MAP4K3: variants seen among roughly 807,000 people sequenced by gnomAD.
MAP4K3 encodes the protein mitogen-activated protein kinase kinase kinase kinase 3.
MAP4K3 carries 94 observed loss-of-function variants against 143.5 expected under a neutral mutation model. That is an observed-to-expected ratio of 0.65 (90% CI 0.55 to 0.78). The LOEUF (loss-of-function observed/expected upper bound fraction) is 0.78, where lower values mean the gene tolerates loss of function less well. MAP4K3 is among the 30% of genes least tolerant of loss of function. The pLI is 0.00. For missense variants in MAP4K3, 1,077 were observed against 1,068.1 expected (o/e 1.01, Z -0.12); for synonymous variants, 416 against 347.2 (o/e 1.20, Z -2.20).
chr2:39,272,107 T>C (rs553504577), intron 26 of MAP4K3, 176 bp downstream of exon 26: 4 of 459,472 alleles, frequency 8.7e-6, no homozygotes, highest in Non-Finnish European at 1.5e-5. Flanking sequence ...AAGTACAAAG[T>C]AGAAAAATTT....
intron 2 of MAP4K3, among the ~76,000 whole-genome samples, chr2:39,366,302 G>A (rs1462695973): frequency 6.6e-6 from 1 of 152,082 alleles, no homozygotes; most frequent in Non-Finnish European, 1.5e-5. Context: ...TGGCTTCCAG[G>A]TTAGAGGGAG....
At chr2:39,285,206 T>C (rs991316027) in intron 21 of MAP4K3, among the ~76,000 whole-genome samples, 1 of 152,210 alleles carries the variant, frequency 6.6e-6, no homozygotes, top group Non-Finnish European at 1.5e-5. Flanking sequence ...AATTACAGCA[T>C]AAACTGTAAG....
chr2:39,263,331 G>C (rs1252822947), intron 28 of MAP4K3, among the ~76,000 whole-genome samples: 7 of 146,910 alleles, frequency 4.8e-5, no homozygotes, highest in Non-Finnish European at 7.5e-5. Context: ...GGAGTGCAGT[G>C]GCGCAATCTC....
chr2:39,325,768 T>A lies in MAP4K3; in HGVS notation c.769A>T (p.Asn257Tyr). 1 of 1,610,638 alleles carries A rather than the reference T, an allele frequency of 6.2e-7. No homozygotes were observed. Among genetic ancestry groups the A allele is most frequent in the South Asian group, 1.1e-5 (1 of 89,930 alleles). Reference sequence around the variant, plus strand: ...TCAGCAGTAGGTCTTTTTTTCGGATTTTTGGTAAGTGCCATTTTCACAAAG... The same window carrying A: ...TCAGCAGTAGGTCTTTTTTTCGGATATTTGGTAAGTGCCATTTTCACAAAG... ...HHFVKMALTK[N>Y]PKKRPTAEKL... Residue 257 changes from asparagine (N) to tyrosine (Y), a missense_variant, in exon 11 of 34, where the codon AAT becomes TAT. By Grantham distance (143) the Asn-to-Tyr change is moderately radical (BLOSUM62 -2). Around this residue, in one of 2 missense-constraint regions of MAP4K3, gnomAD observed 864 missense variants for 801.2 expected, o/e 1.08. Transcript: ENST00000263881.
intron 2 of MAP4K3, among the ~76,000 whole-genome samples, chr2:39,368,523 G>C (rs972227728): frequency 3.3e-5 from 5 of 151,892 alleles, no homozygotes; most frequent in African/African-American, 1.2e-4. Flanking sequence ...TAAAAAATTA[G>C]CTGGGTGTGG....
chr2:39,323,087 T>A (rs927595746), intron 12 of MAP4K3, among the ~76,000 whole-genome samples: 1 of 152,216 alleles, frequency 6.6e-6, no homozygotes, highest in African/African-American at 2.4e-5. Flanking sequence ...ACAAATCATT[T>A]GCAAATAAAA....
intron 8 of MAP4K3, among the ~76,000 whole-genome samples, chr2:39,326,916 C>CCCCAGCCATGCAATA (rs1683509874): frequency 3.3e-5 from 5 of 152,096 alleles, no homozygotes. Context: ...TCTGAGGCCT[C>CCCCAGCCATGCAATA]CCCAGCCATG....
At chr2:39,341,515 G>C (rs1179147097) in intron 4 of MAP4K3, among the ~76,000 whole-genome samples, 9 of 151,780 alleles carry the variant, frequency 5.9e-5, no homozygotes, top group Non-Finnish European at 1.3e-4. Flanking sequence ...AAATTAGCCG[G>C]TGTGGTGGCA....
rs189872000 is a variant in MAP4K3, at chr2:39,398,532, G to A, written c.97-20409C>T. 6.6e-5 allele frequency among the ~76,000 whole-genome samples: 10 copies of A among 151,714 alleles called. No homozygotes were observed. The East Asian group carries it at 1.9e-3, about 29-fold the overall frequency. On this transcript the variant is annotated intron_variant, in intron 1 of 33. Coordinates refer to ENST00000263881, the MANE Select transcript of MAP4K3 (RefSeq NM_003618.4). Reference sequence around the variant, plus strand: ...GATGGGTGGGAAACAAGACTTCTCAGGGGATACTTTTTAAAATAGCACTTT... The same window carrying A: ...GATGGGTGGGAAACAAGACTTCTCAAGGGATACTTTTTAAAATAGCACTTT...
chr2:39,258,953 T>C (rs899705771), intron 29 of MAP4K3, among the ~76,000 whole-genome samples: 1 of 152,148 alleles, frequency 6.6e-6, no homozygotes, highest in Non-Finnish European at 1.5e-5. Context: ...GTTCTCAAAC[T>C]ATGGTTGCTG....
intron 2 of MAP4K3, among the ~76,000 whole-genome samples, chr2:39,368,567 G>C (rs1030536542): frequency 4.6e-5 from 7 of 152,040 alleles, no homozygotes; most frequent in Non-Finnish European, 7.4e-5. Flanking sequence ...CCAGTAGTGA[G>C]GCTGAGGCAG....
intron 2 of MAP4K3, among the ~76,000 whole-genome samples, chr2:39,358,928 T>A (rs888910867): frequency 3.9e-5 from 6 of 152,152 alleles, no homozygotes; most frequent in Non-Finnish European, 5.9e-5. Context: ...ACAACCAAAC[T>A]ACATCATTCC....
chr2:39,315,437 T>C (rs369662033), intron 12 of MAP4K3, 49 bp from the exon 13 acceptor site: 37 of 1,295,470 alleles, frequency 2.9e-5, no homozygotes, highest in African/African-American at 4.4e-5. Context: ...AATCAAGTCA[T>C]AGTTTGGTCC....
At chr2:39,349,817 TATTTACC>T (rs1665399636) in intron 3 of MAP4K3, among the ~76,000 whole-genome samples, 1 of 152,220 alleles carries the variant, frequency 6.6e-6, no homozygotes, top group Admixed American at 6.5e-5. Context: ...TTTAATTTAC[TATTTACC>T]CAGATTATTT....
chr2:39,259,405 A>T (rs7608958), intron 29 of MAP4K3, among the ~76,000 whole-genome samples: 2 of 152,094 alleles, frequency 1.3e-5, no homozygotes, highest in South Asian at 2.1e-4. Context: ...TACATACTAC[A>T]TACTCAATGA....
At position 39,356,295 on chromosome 2, in the gene MAP4K3, C is replaced by CT; in HGVS notation, c.198dup (p.Asp67ArgfsTer3). The stretch of plus-strand genomic sequence containing the variant: ...GCAACAATATTTGGGTGTTTACAGT[C>CT]TTTCATCATAATAATTTCTTGCTGC... On this transcript the variant is annotated frameshift_variant, in exon 3 of 34. Coordinates refer to ENST00000263881, the MANE Select transcript of MAP4K3 (RefSeq NM_003618.4). LOFTEE classifies it high-confidence loss of function. 1 of 1,605,428 alleles carries CT rather than the reference C, an allele frequency of 6.2e-7. No individual in the cohort carries two copies. The highest frequency in any genetic ancestry group is 8.5e-7 in the Non-Finnish European group (1 of 1,175,814).
chr2:39,280,395 A>C, intron 22 of MAP4K3, 39 bp from the exon 23 acceptor site: 1 of 1,196,710 alleles, frequency 8.4e-7, no homozygotes, highest in Non-Finnish European at 1.2e-6. Context: ...AACAGTGACA[A>C]GTAACAGTCT....
intron 14 of MAP4K3, among the ~76,000 whole-genome samples, chr2:39,308,359 T>C (rs753739268): frequency 3.3e-5 from 5 of 152,202 alleles, no homozygotes; most frequent in Admixed American, 6.5e-5. Flanking sequence ...GCTTTGGTAT[T>C]ACAATATGAT....
chr2:39,278,723 A>G (rs1681381378), intron 23 of MAP4K3, among the ~76,000 whole-genome samples: 2 of 152,248 alleles, frequency 1.3e-5, no homozygotes, highest in African/African-American at 4.8e-5. Flanking sequence ...GAAGAGTGGC[A>G]TAGTAGATTC....
Sources: allele counts gnomAD v4.1 joint callset (sites outside exome capture counted in the v4.1 genomes callset), GRCh38; gene constraint gnomAD v4.1.1; regional missense constraint gnomAD v4.1.1; transcripts MANE v1.5; gene names NCBI Gene and HGNC (gene_info 2026-07-23, HGNC 2026-07-21).